The following CC2D2A variants were observed in gnomAD, a reference collection of about 807,000 sequenced individuals.
The protein encoded by CC2D2A is coiled-coil and C2 domain-containing protein 2A.
CC2D2A carries 155 observed loss-of-function variants against 212.9 expected under a neutral mutation model. The observed-to-expected ratio is 0.73, with a 90% CI of 0.64 to 0.83. The LOEUF is 0.83. Ranked by LOEUF, CC2D2A falls within the 40% of genes least tolerant of loss-of-function variation. The probability of loss-of-function intolerance (pLI) is 0.00; values close to 1 mark genes in which losing one functional copy is unlikely to be tolerated. For missense variants in CC2D2A, 1,856 were observed against 1,956.2 expected (o/e 0.95, Z 0.97); for synonymous variants, 667 against 686.5 (o/e 0.97, Z 0.44).
intron 24 of CC2D2A, among the ~76,000 whole-genome samples, chr4:15,565,343 G>C (rs1719832668): frequency 6.6e-6 from 1 of 150,914 alleles, no homozygotes; most frequent in South Asian, 2.1e-4. Flanking sequence ...GACATCAACT[G>C]TTCCATTAAG....
At chr4:15,537,287 C>A (rs977748402) in intron 15 of CC2D2A, among the ~76,000 whole-genome samples, 1 of 152,158 alleles carries the variant, frequency 6.6e-6, no homozygotes, top group African/African-American at 2.4e-5. Flanking sequence ...CTGACTGATA[C>A]CAGAGCCAGC....
intron 20 of CC2D2A, among the ~76,000 whole-genome samples, chr4:15,555,656 T>C (rs1312665514): frequency 1.3e-5 from 2 of 152,212 alleles, no homozygotes; most frequent in Non-Finnish European, 2.9e-5. Context: ...GGAGGATCAA[T>C]TGAGTCCACA....
At chr4:15,586,288 T>G in intron 31 of CC2D2A, 42 bp downstream of exon 31, 1 of 1,248,414 alleles carries the variant, frequency 8.0e-7, no homozygotes, top group African/African-American at 1.5e-5. Flanking sequence ...TTGAGCTGAC[T>G]TAATGAAATA....
In CC2D2A at chr4:15,515,370, G is replaced by A. The variant is rs148855698; in HGVS notation, c.881-498G>A. Among the ~76,000 whole-genome samples, 799 of 152,326 alleles carry A rather than the reference G, an allele frequency of 5.2e-3. 11 individuals carry two copies. Among genetic ancestry groups the A allele is most frequent in the African/African-American group, 0.018 (759 of 41,578 alleles). Reference sequence around the variant, plus strand: ...AGGCTCTCAGTAAAGATGTGTTCTAGGAATGAATAAAGCCGTGAATGAATA... The same window carrying A: ...AGGCTCTCAGTAAAGATGTGTTCTAAGAATGAATAAAGCCGTGAATGAATA... On this transcript the variant is annotated intron_variant, in intron 9 of 36. Transcript: ENST00000424120.
intron 27 of CC2D2A, among the ~76,000 whole-genome samples, chr4:15,569,685 T>A (rs1212319805): frequency 1.3e-5 from 2 of 152,200 alleles, no homozygotes; most frequent in Non-Finnish European, 2.9e-5. Context: ...TAAAAAAAGA[T>A]CATGGGAAGA....
chr4:15,474,715 C>A (rs929030820), intron 1 of CC2D2A, among the ~76,000 whole-genome samples: 13 of 152,118 alleles, frequency 8.5e-5, no homozygotes, highest in Non-Finnish European at 1.8e-4. Flanking sequence ...TAAATATATA[C>A]ACCTACTATG....
chr4:15,553,453 C>CA (rs1719110702), intron 19 of CC2D2A, 148 bp downstream of exon 19: 3 of 882,448 alleles, frequency 3.4e-6, no homozygotes, highest in Admixed American at 3.2e-5. Flanking sequence ...AAGGTAAAAA[C>CA]AAAAAATGTT....
At chr4:15,577,892 C>A (rs1720481323) in intron 29 of CC2D2A, among the ~76,000 whole-genome samples, 1 of 152,172 alleles carries the variant, frequency 6.6e-6, no homozygotes, top group African/African-American at 2.4e-5. Flanking sequence ...AGGATTCTTC[C>A]ATACTCATTT....
At chr4:15,578,379 G>A (rs189119809) in intron 29 of CC2D2A, among the ~76,000 whole-genome samples, 42 of 152,272 alleles carry the variant, frequency 2.8e-4, no homozygotes, top group African/African-American at 9.1e-4. Context: ...AATATAAGGG[G>A]CAGACAAGAA....
chr4:15,479,157 C>T (rs912142321), intron 3 of CC2D2A: 6 of 1,180,824 alleles, frequency 5.1e-6, no homozygotes, highest in South Asian at 2.6e-5. Context: ...TGGCAGTACA[C>T]GATTACAAAT....
rs2108956675 is a variant in CC2D2A, at chr4:15,469,936, G to C, written c.-140G>C. ...TGCAGCTTCCCAGGGAGGAGCCCAG[G>C]GGCATCTCCAACACTCAGCCTTTCC... On this transcript the variant is annotated 5_prime_UTR_variant, in exon 1 of 37. Coordinates refer to ENST00000424120, the MANE Select transcript of CC2D2A (RefSeq NM_001378615.1). The C allele has an allele frequency of 6.6e-6, 1 of 152,182 alleles. No individual in the cohort carries two copies. The highest frequency in any genetic ancestry group is 1.9e-4 in the East Asian group (1 of 5,168). 9.4% of individuals were successfully genotyped at this position (152,182 alleles called of 1,614,324 possible). A position where few individuals can be genotyped will look rare whatever the true frequency, so the allele number is the denominator to read the frequency against.
In CC2D2A at chr4:15,587,976, T is replaced by G. The variant is rs781696062; in HGVS notation, c.4179+47T>G. On this transcript the variant is annotated intron_variant, in intron 32 of 36. Transcript: ENST00000424120. ...TTAACAGAGGAGTATAGTTGTCTAA[T>G]CGAGTTGTGTGTTCCAGATCACACA... 7.5e-6 allele frequency: 8 copies of G among 1,064,256 alleles called. No homozygotes were observed. The African/African-American group carries it at 1.3e-4, about 17-fold the overall frequency. 65.9% of individuals were successfully genotyped at this position (1,064,256 alleles called of 1,614,324 possible). A position where few individuals can be genotyped will look rare whatever the true frequency, so the allele number is the denominator to read the frequency against.
intron 14 of CC2D2A, among the ~76,000 whole-genome samples, chr4:15,536,519 T>C (rs1718136942): frequency 6.6e-6 from 1 of 152,116 alleles, no homozygotes; most frequent in Non-Finnish European, 1.5e-5. Context: ...AGCAACAAAA[T>C]GAAGCAGTTC....
chr4:15,539,326 C>T (rs1408031157), intron 16 of CC2D2A, among the ~76,000 whole-genome samples: 4 of 152,140 alleles, frequency 2.6e-5, no homozygotes, highest in Middle Eastern at 3.4e-3. Context: ...TTAAAATCAT[C>T]GATACCACAA....
chr4:15,591,170 T>C (rs111897184), intron 33 of CC2D2A, among the ~76,000 whole-genome samples: 2 of 152,174 alleles, frequency 1.3e-5, no homozygotes, highest in African/African-American at 2.4e-5. Flanking sequence ...CTATTTTTTT[T>C]CTTCCCATCC....
intron 11 of CC2D2A, among the ~76,000 whole-genome samples, chr4:15,518,390 G>A (rs529837562): frequency 6.6e-6 from 1 of 152,350 alleles, no homozygotes; most frequent in South Asian, 2.1e-4. Flanking sequence ...TGGCTTTGCA[G>A]GGTACAGCCT....
intron 4 of CC2D2A, among the ~76,000 whole-genome samples, chr4:15,500,817 G>A (rs564735922): frequency 1.3e-5 from 2 of 151,978 alleles, no homozygotes; most frequent in Non-Finnish European, 2.9e-5. Context: ...TTCCTCCCAC[G>A]ACAGTGTCAT....
intron 6 of CC2D2A, among the ~76,000 whole-genome samples, chr4:15,503,186 C>T (rs1158997318): frequency 6.6e-6 from 1 of 151,686 alleles, no homozygotes; most frequent in Non-Finnish European, 1.5e-5. Flanking sequence ...GCCTGTAGTC[C>T]CAGCTACTCG....
chr4:15,514,991 C>A, intron 9 of CC2D2A, 122 bp downstream of exon 9: 2 of 809,880 alleles, frequency 2.5e-6, no homozygotes, highest in Non-Finnish European at 1.9e-6. Context: ...ATCTAACAAT[C>A]AAGAAATATC....
Sources: gnomAD v4.1 joint callset for allele counts (sites outside exome capture counted in the v4.1 genomes callset) on GRCh38, gnomAD v4.1.1 for gene constraint, MANE v1.5 for transcripts, NCBI Gene and HGNC (gene_info 2026-07-23, HGNC 2026-07-21) for gene names.